The following GSE1 variants were observed in gnomAD, a reference collection of about 807,000 sequenced individuals.
The protein encoded by GSE1 is genetic suppressor element 1.
In GSE1, 32 loss-of-function variants were observed where a neutral mutation model predicts 112.6. That is an observed-to-expected ratio of 0.28 (90% CI 0.21 to 0.38). The LOEUF (loss-of-function observed/expected upper bound fraction) is 0.38, where lower values mean the gene tolerates loss of function less well. Ranked by LOEUF, GSE1 falls within the 10% of genes least tolerant of loss-of-function variation. GSE1 has a pLI of 1.00. For synonymous variants in GSE1, 1,115 were observed against 735.6 expected (o/e 1.52, Z -8.35); for missense variants, 2,348 against 1,699.2 (o/e 1.38, Z -6.71).
chr16:85,596,402 C>CCTGG (rs556560915), intron 1 of GSE1, among the ~76,000 whole-genome samples: 34 of 152,332 alleles, frequency 2.2e-4, no homozygotes, highest in African/African-American at 8.2e-4. Flanking sequence ...CAGCCGGGCA[C>CCTGG]CTGGCTCACT....
At chr16:85,460,077 C>A (rs960124268) in intron 2 of GSE1, among the ~76,000 whole-genome samples, 1 of 152,194 alleles carries the variant, frequency 6.6e-6, no homozygotes, top group Non-Finnish European at 1.5e-5. Flanking sequence ...GCCTGGCCTC[C>A]GATGAGCAAG....
At chr16:85,261,047 G>T (rs1907632268) in intron 1 of GSE1, among the ~76,000 whole-genome samples, 1 of 152,200 alleles carries the variant, frequency 6.6e-6, no homozygotes, top group Non-Finnish European at 1.5e-5. Flanking sequence ...ATGGGTCCTG[G>T]CCTCTCTCGG....
intron 2 of GSE1, among the ~76,000 whole-genome samples, chr16:85,420,420 T>C (rs763963356): frequency 6.6e-5 from 10 of 152,056 alleles, no homozygotes; most frequent in Non-Finnish European, 1.2e-4. Context: ...TAACACAGGA[T>C]CAGGCAGGAT....
chr16:85,661,636 C>A lies in GSE1; in HGVS notation c.2131C>A (p.Pro711Thr), dbSNP rs759179437. The A allele has an allele frequency of 1.2e-6, 2 of 1,611,398 alleles. No individual in the cohort carries two copies. The highest frequency in any genetic ancestry group is 1.7e-6 in the Non-Finnish European group (2 of 1,179,524). Residue 711 changes from proline to threonine, a missense_variant, in exon 9 of 16, where the codon CCC (proline) becomes ACC (threonine). Pro to Thr is a conservative substitution (Grantham distance 38). Coordinates refer to ENST00000253458, the MANE Select transcript of GSE1 (RefSeq NM_014615.5). ...CAGCGGACCCCTGAAGCCTGGCTCG[C>A]CCTACCGGCCCCCAGTGCCACGGGC... ...ELSGPLKPGS[P>T]YRPPVPRAPD...
chr16:85,307,653 CAG>C (rs1487777023), intron 1 of GSE1, among the ~76,000 whole-genome samples: 5 of 152,196 alleles, frequency 3.3e-5, no homozygotes, highest in African/African-American at 1.2e-4. Flanking sequence ...CCTCGGTGTC[CAG>C]AGTCTTTGCT....
rs772468523 is a variant in GSE1 at position 85,673,094 on chromosome 16, C to G, written c.*555C>G. On this transcript the variant is annotated 3_prime_UTR_variant, in exon 16 of 16. Coordinates refer to ENST00000253458, the MANE Select transcript of GSE1 (RefSeq NM_014615.5). ...AAAATTTTCTTCAAAGCAACAAGTC[C>G]TAGGAGCACACAAAGCAACCCAAAG... The G allele has an allele frequency of 6.6e-6, 1 of 152,106 alleles. No homozygotes were observed. Among genetic ancestry groups the G allele is most frequent in the Non-Finnish European group, 1.5e-5 (1 of 68,064 alleles). The allele number at this position is 152,106 out of a possible 1,614,324, so 9.4% of individuals were successfully genotyped here.
intron 1 of GSE1, among the ~76,000 whole-genome samples, chr16:85,270,274 C>G (rs1317943385): frequency 6.7e-6 from 1 of 148,958 alleles, no homozygotes; most frequent in African/African-American, 2.4e-5. Flanking sequence ...AGGCTCCCAG[C>G]ACATGCCTCT....
upstream of GSE1, among the ~76,000 whole-genome samples, chr16:85,609,356 C>T (rs939774231): frequency 7.2e-5 from 11 of 152,238 alleles, no homozygotes; most frequent in Non-Finnish European, 1.3e-4. Flanking sequence ...GCCTCAGTCT[C>T]GCGAGTAGCT....
chr16:85,414,060 T>G (rs187777602), intron 2 of GSE1, among the ~76,000 whole-genome samples: 2 of 152,272 alleles, frequency 1.3e-5, no homozygotes, highest in Admixed American at 1.3e-4. Context: ...CCCCTTTCCT[T>G]TATAAATAAC....
intron 1 of GSE1, among the ~76,000 whole-genome samples, chr16:85,357,237 C>T (rs1313074194): frequency 6.6e-6 from 1 of 152,198 alleles, no homozygotes; most frequent in African/African-American, 2.4e-5. Context: ...AGCAGGGGTC[C>T]AGCCTGGTGT....
chr16:85,364,996 G>A (rs2047158144), intron 2 of GSE1, among the ~76,000 whole-genome samples: 1 of 152,266 alleles, frequency 6.6e-6, no homozygotes, highest in Non-Finnish European at 1.5e-5. Context: ...CTTCGAGGCT[G>A]TCTTTGGAGG....
At chr16:85,253,190 A>G (rs1906703122) in intron 1 of GSE1, among the ~76,000 whole-genome samples, 1 of 151,766 alleles carries the variant, frequency 6.6e-6, no homozygotes, top group Non-Finnish European at 1.5e-5. Flanking sequence ...CAGGAGGAGC[A>G]GAGAAGGCGC....
At chr16:85,653,718 G>C (rs920397023) in intron 3 of GSE1, among the ~76,000 whole-genome samples, 2 of 152,164 alleles carry the variant, frequency 1.3e-5, no homozygotes, top group African/African-American at 4.8e-5. Context: ...AGGTGGTTGG[G>C]GGCAGACCAG....
intron 2 of GSE1, among the ~76,000 whole-genome samples, chr16:85,370,119 G>T (rs1354168658): frequency 6.6e-6 from 1 of 152,182 alleles, no homozygotes; most frequent in African/African-American, 2.4e-5. Flanking sequence ...GAGGTTCTGG[G>T]TGCAGTTTAG....
At position 85,456,579 on chromosome 16, in the gene GSE1, C is replaced by CAT. The variant is rs1491195220; in HGVS notation, c.2464+98936_2464+98937insAT. On this transcript the variant is annotated intron_variant, in intron 2 of 2. Transcript: ENST00000637419. ...AGGGAGGGGAGGGTCATTTTCCTGC[C>CAT]GTGTGTGTGTGTGTGTGTGTGTGTG... 1.3e-3 allele frequency among the ~76,000 whole-genome samples: 116 copies of CAT among 91,556 alleles called. 1 individual carries two copies. Among genetic ancestry groups the CAT allele is most frequent in the Middle Eastern group, 5.4e-3 (1 of 186 alleles). 60.1% of individuals were successfully genotyped at this position (91,556 alleles called of 152,430 possible). A position where few individuals can be genotyped will look rare whatever the true frequency, so the allele number is the denominator to read the frequency against.
intron 1 of GSE1, among the ~76,000 whole-genome samples, chr16:85,583,771 C>T (rs1303570883): frequency 6.6e-6 from 1 of 152,196 alleles, no homozygotes; most frequent in African/African-American, 2.4e-5. Context: ...CCCCCGTCCT[C>T]CTCCTGTCGT....
Position 85,394,735 on chromosome 16 carries a change from C to A in GSE1, c.2464+37092C>A, listed in dbSNP as rs77212092. Among the ~76,000 whole-genome samples, 256 of 152,308 alleles carry A rather than the reference C, an allele frequency of 1.7e-3. 1 individual carries two copies. The highest frequency in any genetic ancestry group is 5.9e-3 in the African/African-American group (246 of 41,562). On this transcript the variant is annotated intron_variant, in intron 2 of 2. Coordinates refer to the GSE1 transcript ENST00000637419. ...GAGCAGAAGCCCCGTCCGTCTCCCC[C>A]GAGAACATCTCTTTTTCTACAGCAG...
rs143503459 is a variant in GSE1, at chr16:85,634,587, C to T, written c.226+455C>T. Among the ~76,000 whole-genome samples the T allele has an allele frequency of 2.7e-3, 414 of 152,236 alleles. 1 individual carries two copies. Among genetic ancestry groups the T allele is most frequent in the African/African-American group, 6.6e-3 (273 of 41,550 alleles). On this transcript the variant is annotated intron_variant, in intron 2 of 15. Coordinates refer to ENST00000253458, the MANE Select transcript of GSE1 (RefSeq NM_014615.5). The stretch of plus-strand genomic sequence containing the variant: ...TCCCTGGAAACACAGTGGTCTGGAG[C>T]GGGGGTCTCTGGCACAGCTGAACCC...
chr16:85,539,596 A>T (rs2044450920), intron 2 of GSE1, among the ~76,000 whole-genome samples: 1 of 152,140 alleles, frequency 6.6e-6, no homozygotes, highest in Non-Finnish European at 1.5e-5. Flanking sequence ...AATAGTCATT[A>T]CACCTCTGGG....
Sources: allele counts gnomAD v4.1 joint callset (sites outside exome capture counted in the v4.1 genomes callset), GRCh38; gene constraint gnomAD v4.1.1; transcripts MANE v1.5; gene names NCBI Gene and HGNC (gene_info 2026-07-23, HGNC 2026-07-21).